The following CCDC85C variants were observed in gnomAD, a reference collection of about 807,000 sequenced individuals.
The protein encoded by CCDC85C is coiled-coil domain containing 85C.
A neutral mutation model predicts 38.3 loss-of-function variants in CCDC85C; 18 were observed. That is an observed-to-expected ratio of 0.47 (90% CI 0.33 to 0.70). The LOEUF (loss-of-function observed/expected upper bound fraction) is 0.70, where lower values mean the gene tolerates loss of function less well. Ranked by LOEUF, CCDC85C falls within the 30% of genes least tolerant of loss-of-function variation. CCDC85C has a pLI of 0.03. For missense variants in CCDC85C, 566 were observed against 621.2 expected (o/e 0.91, Z 0.94); for synonymous variants, 264 against 293.8 (o/e 0.90, Z 1.04).
intron 1 of CCDC85C, among the ~76,000 whole-genome samples, chr14:99,555,896 TC>T (rs1289225060): frequency 2.0e-5 from 3 of 152,028 alleles, no homozygotes; most frequent in African/African-American, 7.3e-5. Context: ...CACCTCAGGT[TC>T]CCCTGATCAG....
At position 99,504,209 on chromosome 14, in the gene CCDC85C, A is replaced by G; in HGVS notation, c.*11037T>C. On this transcript the variant is annotated 3_prime_UTR_variant, in exon 6 of 6. Coordinates refer to ENST00000380243, the MANE Select transcript of CCDC85C (RefSeq NM_001144995.2). The stretch of plus-strand genomic sequence containing the variant: ...AACAATTACAAAACAGAAAGTTAGA[A>G]ATGTTTTGTCACAGGGTCAGTCCAC... 1 of 216,912 alleles carries G rather than the reference A, an allele frequency of 4.6e-6. No individual in the cohort carries two copies. 13.4% of individuals were successfully genotyped at this position (216,912 alleles called of 1,614,324 possible). A position where few individuals can be genotyped will look rare whatever the true frequency, so the allele number is the denominator to read the frequency against.
Position 99,504,837 on chromosome 14 carries a change from C to G in CCDC85C, c.*10409G>C, listed in dbSNP as rs757034191. 6.6e-6 allele frequency: 1 copy of G among 152,196 alleles called. No individual in the cohort carries two copies. Among genetic ancestry groups the G allele is most frequent in the Non-Finnish European group, 1.5e-5 (1 of 68,060 alleles). 9.4% of individuals were successfully genotyped at this position (152,196 alleles called of 1,614,324 possible). A position where few individuals can be genotyped will look rare whatever the true frequency, so the allele number is the denominator to read the frequency against. On this transcript the variant is annotated 3_prime_UTR_variant, in exon 6 of 6. Coordinates refer to ENST00000380243, the MANE Select transcript of CCDC85C (RefSeq NM_001144995.2). ...GCTACACTCCATGCCACATGAAATG[C>G]AATTGAGTTGACGTGCAGGTCTGTC... is the stretch of plus-strand genomic sequence containing the variant.
In CCDC85C at chr14:99,509,594, CTG is replaced by C. The variant is rs1442692370; in HGVS notation, c.*5650_*5651del. 1 of 160,728 alleles carries C rather than the reference CTG, an allele frequency of 6.2e-6. No homozygotes were observed. Among genetic ancestry groups the C allele is most frequent in the Non-Finnish European group, 1.4e-5 (1 of 72,936 alleles). The allele number at this position is 160,728 out of a possible 1,614,324, so 10.0% of individuals were successfully genotyped here. On this transcript the variant is annotated 3_prime_UTR_variant, in exon 6 of 6. Coordinates refer to ENST00000380243, the MANE Select transcript of CCDC85C (RefSeq NM_001144995.2). ...ACACTCCTCTCAAGGAGGCTGCTAT[CTG>C]AGAGCACACAGTGGGGTTTGATGTA... is the stretch of plus-strand genomic sequence containing the variant.
rs1222828972 is a variant in CCDC85C at position 99,508,153 on chromosome 14, C to G, written c.*7093G>C. ...CACAGATTACATTTCTGTTCCTACTCAATCATGATAGTGTTTGTGCTTTGG... is the reference window on the plus strand; with the variant it reads ...CACAGATTACATTTCTGTTCCTACTGAATCATGATAGTGTTTGTGCTTTGG... On this transcript the variant is annotated 3_prime_UTR_variant, in exon 6 of 6. Coordinates refer to ENST00000380243, the MANE Select transcript of CCDC85C (RefSeq NM_001144995.2). 6.6e-6 allele frequency: 1 copy of G among 152,250 alleles called. No individual in the cohort carries two copies. Among genetic ancestry groups the G allele is most frequent in the African/African-American group, 2.4e-5 (1 of 41,456 alleles). The allele number at this position is 152,250 out of a possible 1,614,324, so 9.4% of individuals were successfully genotyped here. A position where few individuals can be genotyped will look rare whatever the true frequency, so the allele number is the denominator to read the frequency against.
At position 99,603,378 on chromosome 14, in the gene CCDC85C, C is replaced by A. The variant is rs1278850504; in HGVS notation, c.582G>T (p.Ala194=). Reference sequence around the variant, plus strand: ...CCACGTCGCGGGCCCCCGCGCCGGGCGCGCCACCCGACAGCGGCCCGCTCA... The same window carrying A: ...CCACGTCGCGGGCCCCCGCGCCGGGAGCGCCACCCGACAGCGGCCCGCTCA... ...ASLSGPLSGG[A]PGAGARDVGD... Residue 194 remains alanine (A), a synonymous_variant, in exon 1 of 6, where the codon GCG becomes GCT. Transcript: ENST00000380243. The surrounding 1 kb of genome is among the most constrained non-coding windows in gnomAD (Gnocchi z 7.5). 1 of 1,249,208 alleles carries A rather than the reference C, an allele frequency of 8.0e-7. No homozygotes were observed. The highest frequency in any genetic ancestry group is 1.0e-6 in the Non-Finnish European group (1 of 998,588). The allele number at this position is 1,249,208 out of a possible 1,614,324, so 77.4% of individuals were successfully genotyped here. A position where few individuals can be genotyped will look rare whatever the true frequency, so the allele number is the denominator to read the frequency against.
intron 1 of CCDC85C, among the ~76,000 whole-genome samples, chr14:99,602,394 T>C (rs546158435): frequency 1.3e-4 from 20 of 152,312 alleles, no homozygotes; most frequent in African/African-American, 4.6e-4. Context: ...GCACTTCCTG[T>C]AAGGCGATCA....
chr14:99,585,569 T>G (rs936544250), intron 1 of CCDC85C, among the ~76,000 whole-genome samples: 2 of 152,228 alleles, frequency 1.3e-5, no homozygotes, highest in Non-Finnish European at 2.9e-5. Context: ...TGTTAGCTAT[T>G]ATTATTCCTA....
chr14:99,570,596 G>A (rs2139961152), intron 1 of CCDC85C, among the ~76,000 whole-genome samples: 1 of 152,240 alleles, frequency 6.6e-6, no homozygotes, highest in East Asian at 1.9e-4. Context: ...TGTGGGGCCA[G>A]GGATATAACC....
chr14:99,590,674 A>C (rs943605207), intron 1 of CCDC85C, among the ~76,000 whole-genome samples: 2 of 152,204 alleles, frequency 1.3e-5, no homozygotes, highest in Non-Finnish European at 2.9e-5. Context: ...AGGTAGGGGA[A>C]GCCTCTGTTT....
rs1412522062 is a variant in CCDC85C, at chr14:99,510,526, C to A, written c.*4720G>T. On this transcript the variant is annotated 3_prime_UTR_variant, in exon 6 of 6. Coordinates refer to ENST00000380243, the MANE Select transcript of CCDC85C (RefSeq NM_001144995.2). Reference sequence around the variant, plus strand: ...CCTCCTCCCCCAGCCTCCTTCCCCCCACCTGCCATCCCACCCCCTACTCCT... The same window carrying A: ...CCTCCTCCCCCAGCCTCCTTCCCCCAACCTGCCATCCCACCCCCTACTCCT... 5 of 553,000 alleles carry A rather than the reference C, an allele frequency of 9.0e-6. No individual in the cohort carries two copies. Among genetic ancestry groups the A allele is most frequent in the East Asian group, 5.7e-5 (1 of 17,630 alleles). The allele number at this position is 553,000 out of a possible 1,614,324, so 34.3% of individuals were successfully genotyped here.
In CCDC85C at chr14:99,525,567, C is replaced by T. The variant is rs148480777; in HGVS notation, c.868-3327G>A. The stretch of plus-strand genomic sequence containing the variant: ...GAGAGCTTTTGGGCCCTCAAATGTG[C>T]TGCATCGGTTATGTGTCCGAGAGGC... On this transcript the variant is annotated intron_variant, in intron 2 of 5. Transcript: ENST00000380243. Among the ~76,000 whole-genome samples the T allele has an allele frequency of 2.8e-3, 429 of 152,366 alleles. 1 individual carries two copies. Among genetic ancestry groups the T allele is most frequent in the African/African-American group, 9.7e-3 (404 of 41,596 alleles).
rs1362934480 is a variant in CCDC85C at position 99,502,382 on chromosome 14, A to G, written c.*12864T>C. 7 of 1,612,972 alleles carry G rather than the reference A, an allele frequency of 4.3e-6. No homozygotes were observed. In the African/African-American group the frequency reaches 5.3e-5, roughly 12 times the overall value. ...CCCGGTCGACGTTTTGGAAGGTACC[A>G]GGCATGCTAAGCGTTCTCGTGAGGG... On this transcript the variant is annotated 3_prime_UTR_variant, in exon 6 of 6. Transcript: ENST00000380243.
chr14:99,586,470 G>C (rs866138579), intron 1 of CCDC85C, among the ~76,000 whole-genome samples: 7 of 152,246 alleles, frequency 4.6e-5, no homozygotes, highest in Admixed American at 1.3e-4. Context: ...AGGGGCACTT[G>C]TCTGAGCACC....
At chr14:99,568,815 A>C (rs937578802) in intron 1 of CCDC85C, among the ~76,000 whole-genome samples, 1 of 152,268 alleles carries the variant, frequency 6.6e-6, no homozygotes, top group African/African-American at 2.4e-5. Context: ...ACGTGACTTC[A>C]GTCAGCCTCT....
intron 1 of CCDC85C, among the ~76,000 whole-genome samples, chr14:99,597,106 A>G (rs895461354): frequency 1.3e-5 from 2 of 152,088 alleles, no homozygotes; most frequent in African/African-American, 4.8e-5. Context: ...TCCCGATGGA[A>G]GCCCTCAGCT....
In CCDC85C at chr14:99,516,053, G is replaced by C. The variant is rs1220221141; in HGVS notation, c.1170+135C>G. The C allele has an allele frequency of 5.6e-6, 4 of 720,450 alleles. No individual in the cohort carries two copies. In the East Asian group the frequency reaches 8.1e-5, roughly 15 times the overall value. 44.6% of individuals were successfully genotyped at this position (720,450 alleles called of 1,614,324 possible). A position where few individuals can be genotyped will look rare whatever the true frequency, so the allele number is the denominator to read the frequency against. ...CTAGCACCTCTGAGGCCTCCCCCCAGCTATCCAAGGTCACCCAGCCTTCGC... is the reference window on the plus strand; with the variant it reads ...CTAGCACCTCTGAGGCCTCCCCCCACCTATCCAAGGTCACCCAGCCTTCGC... On this transcript the variant is annotated intron_variant, in intron 5 of 5. Coordinates refer to ENST00000380243, the MANE Select transcript of CCDC85C (RefSeq NM_001144995.2). This position sits in a 1 kb window ranked among gnomAD's most constrained non-coding sequence, Gnocchi z 5.5.
Position 99,572,522 on chromosome 14 carries a change from C to T in CCDC85C, c.793+30645G>A, listed in dbSNP as rs1258695740. 2.0e-5 allele frequency among the ~76,000 whole-genome samples: 3 copies of T among 152,080 alleles called. No homozygotes were observed. Among genetic ancestry groups the T allele is most frequent in the African/African-American group, 7.2e-5 (3 of 41,384 alleles). ...TTAGATAAAATCCCAACCCCAATAG[C>T]TCCTCCTACCCTGCCCCCTTCGGTC... On this transcript the variant is annotated intron_variant, in intron 1 of 5. Coordinates refer to ENST00000380243, the MANE Select transcript of CCDC85C (RefSeq NM_001144995.2). This position sits in a 1 kb window ranked among gnomAD's most constrained non-coding sequence, Gnocchi z 4.4.
chr14:99,502,817 ACAC>A lies in CCDC85C; in HGVS notation c.*12426_*12428del, dbSNP rs776121018. The A allele has an allele frequency of 1.9e-6, 3 of 1,613,556 alleles. No homozygotes were observed. Among genetic ancestry groups the A allele is most frequent in the South Asian group, 2.2e-5 (2 of 91,042 alleles). Reference sequence around the variant, plus strand: ...GCAACAGCCCCCATCTCTTCAGCCTACACCACAAGTGCCGCAAGTACAGCAGTC... The same window carrying A: ...GCAACAGCCCCCATCTCTTCAGCCTACACAAGTGCCGCAAGTACAGCAGTC... On this transcript the variant is annotated 3_prime_UTR_variant, in exon 6 of 6. Transcript: ENST00000380243.
In CCDC85C at chr14:99,521,509, C is replaced by T. The variant is rs78284662; in HGVS notation, c.975+624G>A. Reference sequence around the variant, plus strand: ...ATACACGGCTCTGCAGGTGCCGCAACGAGAACAGCCGATGCTTCCCAAGCA... The same window carrying T: ...ATACACGGCTCTGCAGGTGCCGCAATGAGAACAGCCGATGCTTCCCAAGCA... On this transcript the variant is annotated intron_variant, in intron 3 of 5. Coordinates refer to ENST00000380243, the MANE Select transcript of CCDC85C (RefSeq NM_001144995.2). Among the ~76,000 whole-genome samples the T allele has an allele frequency of 1.1e-4, 17 of 152,266 alleles. No individual in the cohort carries two copies. The East Asian group carries it at 1.9e-3, about 17-fold the overall frequency.
Sources: allele counts gnomAD v4.1 joint callset (sites outside exome capture counted in the v4.1 genomes callset), GRCh38; gene constraint gnomAD v4.1.1; non-coding constraint Gnocchi (gnomAD v3.1); transcripts MANE v1.5; gene names NCBI Gene and HGNC (gene_info 2026-07-23, HGNC 2026-07-21).